RBFOX1: variants seen among roughly 807,000 people sequenced by gnomAD.
The protein encoded by RBFOX1 is RNA binding fox-1 homolog 1, also known as RNA binding protein fox-1 homolog 1.
In RBFOX1, 8 loss-of-function variants were observed where a neutral mutation model predicts 57.7. The observed-to-expected ratio is 0.14, with a 90% CI of 0.08 to 0.25. RBFOX1 has a LOEUF of 0.25. Ranked by LOEUF, RBFOX1 falls within the 10% of genes least tolerant of loss-of-function variation. The pLI, the probability that RBFOX1 is intolerant of heterozygous loss-of-function variation, is 1.00. For synonymous variants in RBFOX1, 326 were observed against 222.4 expected (o/e 1.47, Z -4.15); for missense variants, 611 against 548.5 (o/e 1.11, Z -1.14).
intron 3 of RBFOX1, among the ~76,000 whole-genome samples, chr16:5,667,061 G>A (rs534642141): frequency 1.7e-4 from 26 of 152,140 alleles, no homozygotes; most frequent in African/African-American, 2.7e-4. Flanking sequence ...CTGTTCTGCC[G>A]TCTACCTTCA....
chr16:6,625,614 G>C (rs1443543399), intron 2 of RBFOX1, among the ~76,000 whole-genome samples: 1 of 152,148 alleles, frequency 6.6e-6, no homozygotes, highest in Non-Finnish European at 1.5e-5. Flanking sequence ...GGCCAACCTT[G>C]TCATGATTTT....
At chr16:6,767,520 T>G (rs1222160926) in intron 3 of RBFOX1, among the ~76,000 whole-genome samples, 2 of 152,266 alleles carry the variant, frequency 1.3e-5, no homozygotes, top group East Asian at 3.9e-4. Flanking sequence ...GTGTTTTAAT[T>G]TAAAACCTCA....
intron 2 of RBFOX1, among the ~76,000 whole-genome samples, chr16:6,398,600 TTTAAACA>T (rs1474168896): frequency 6.6e-6 from 1 of 152,210 alleles, no homozygotes; most frequent in Non-Finnish European, 1.5e-5. Flanking sequence ...TAGGGCAGTC[TTTAAACA>T]TTAAAGTTCC....
chr16:6,920,964 G>C (rs1385742084), intron 3 of RBFOX1, among the ~76,000 whole-genome samples: 1 of 152,168 alleles, frequency 6.6e-6, no homozygotes, highest in Non-Finnish European at 1.5e-5. Flanking sequence ...GACTATCAGA[G>C]AATGGATTCT....
intron 3 of RBFOX1, among the ~76,000 whole-genome samples, chr16:6,833,867 C>T (rs574018288): frequency 1.1e-4 from 16 of 152,024 alleles, no homozygotes; most frequent in Admixed American, 2.0e-4. Context: ...GAGGAGACAG[C>T]GTGGGCACAG....
At chr16:7,164,553 A>G (rs2079038410) in intron 4 of RBFOX1, among the ~76,000 whole-genome samples, 1 of 152,204 alleles carries the variant, frequency 6.6e-6, no homozygotes, top group South Asian at 2.1e-4. Flanking sequence ...TAAAATTTAT[A>G]TACTATGTGT....
intron 1 of RBFOX1, among the ~76,000 whole-genome samples, chr16:5,261,256 A>T (rs1368503548): frequency 2.0e-5 from 3 of 152,080 alleles, no homozygotes; most frequent in Admixed American, 1.3e-4. Context: ...CTGTTCTGCA[A>T]TCATAGTCCT....
At chr16:6,910,757 T>G (rs1168114903) in intron 3 of RBFOX1, among the ~76,000 whole-genome samples, 4 of 152,198 alleles carry the variant, frequency 2.6e-5, no homozygotes, top group Non-Finnish European at 5.9e-5. Flanking sequence ...CTGGGAAGAT[T>G]ACACAGCAAA....
chr16:5,393,666 G>A (rs1284347392), intron 1 of RBFOX1, among the ~76,000 whole-genome samples: 1 of 152,036 alleles, frequency 6.6e-6, no homozygotes, highest in Non-Finnish European at 1.5e-5. Context: ...AAAAAAAGGA[G>A]GTGTTCTGTG....
intron 1 of RBFOX1, among the ~76,000 whole-genome samples, chr16:6,123,149 A>G (rs575410165): frequency 6.6e-6 from 1 of 152,306 alleles, no homozygotes; most frequent in South Asian, 2.1e-4. Context: ...TTCCATTCCT[A>G]TGAATACACA....
At chr16:5,325,002 G>A (rs930295619) in intron 1 of RBFOX1, among the ~76,000 whole-genome samples, 1 of 152,150 alleles carries the variant, frequency 6.6e-6, no homozygotes, top group Non-Finnish European at 1.5e-5. Context: ...TACAGTATTT[G>A]GGTGAAATCT....
intron 3 of RBFOX1, among the ~76,000 whole-genome samples, chr16:7,015,445 A>T (rs550547304): frequency 6.6e-6 from 1 of 152,202 alleles, no homozygotes; most frequent in Non-Finnish European, 1.5e-5. Context: ...CTGGAGTATA[A>T]GGCACTGAGC....
At chr16:6,862,433 G>A (rs996246516) in intron 3 of RBFOX1, among the ~76,000 whole-genome samples, 2 of 152,310 alleles carry the variant, frequency 1.3e-5, no homozygotes, top group East Asian at 1.9e-4. Context: ...TTCATTCGGT[G>A]CTATGGGGAT....
At chr16:5,357,027 G>C (rs1442015364) in intron 1 of RBFOX1, among the ~76,000 whole-genome samples, 2 of 152,174 alleles carry the variant, frequency 1.3e-5, no homozygotes, top group Non-Finnish European at 2.9e-5. Context: ...GAGGCTTACA[G>C]AGTTTAAACT....
chr16:7,433,343 A>G (rs775490650), intron 4 of RBFOX1, among the ~76,000 whole-genome samples: 1 of 152,188 alleles, frequency 6.6e-6, no homozygotes, highest in Non-Finnish European at 1.5e-5. Flanking sequence ...TAGTCTCTCT[A>G]AAGGAAATTC....
intron 1 of RBFOX1, among the ~76,000 whole-genome samples, chr16:6,166,261 T>C (rs924982354): frequency 3.3e-5 from 5 of 152,182 alleles, no homozygotes; most frequent in Admixed American, 2.0e-4. Flanking sequence ...CTGGTGAACT[T>C]GTTGACTCTA....
At chr16:6,210,358 C>CAAAAAAAAAAAAAAAAAAAAAAAAAAA (rs1567684381) in intron 1 of RBFOX1, among the ~76,000 whole-genome samples, 1 of 96,686 alleles carries the variant, frequency 1.0e-5, no homozygotes, top group Non-Finnish European at 2.0e-5. Flanking sequence ...AAAAAAAAAA[C>CAAAAAAAAAAAAAAAAAAAAAAAAAAA]ACCAAAAAAA....
chr16:7,521,249 A>C (rs2077456653), intron 5 of RBFOX1, among the ~76,000 whole-genome samples: 3 of 152,200 alleles, frequency 2.0e-5, no homozygotes, highest in Admixed American at 2.0e-4. Context: ...TGTTTTGGGC[A>C]TGATGAAGGG....
intron 4 of RBFOX1, among the ~76,000 whole-genome samples, chr16:7,268,203 G>A (rs2095222842): frequency 2.6e-5 from 4 of 152,208 alleles, no homozygotes; most frequent in Admixed American, 2.6e-4. Flanking sequence ...TTATGGGACT[G>A]CTGTCCTGTA....
Sources: allele counts gnomAD v4.1 joint callset (sites outside exome capture counted in the v4.1 genomes callset), GRCh38; gene constraint gnomAD v4.1.1; transcripts MANE v1.5; gene names NCBI Gene and HGNC (gene_info 2026-07-23, HGNC 2026-07-21).